MAEL: variants seen among roughly 807,000 people sequenced by gnomAD.
MAEL encodes protein maelstrom homolog.
A neutral mutation model predicts 62.0 loss-of-function variants in MAEL; 46 were observed. That is an observed-to-expected ratio of 0.74 (90% CI 0.59 to 0.95). The LOEUF (loss-of-function observed/expected upper bound fraction) is 0.95, where lower values mean the gene tolerates loss of function less well. Among genes scored for constraint, MAEL ranks in the 40% least tolerant of loss-of-function variants. The pLI is 0.00. For missense variants in MAEL, 497 were observed against 526.8 expected (o/e 0.94, Z 0.55); for synonymous variants, 172 against 175.5 (o/e 0.98, Z 0.16).
intron 1 of MAEL, among the ~76,000 whole-genome samples, chr1:166,980,308 G>A: frequency 6.6e-6 from 1 of 152,026 alleles, no homozygotes; most frequent in East Asian, 1.9e-4. Context: ...TTACAAGTTT[G>A]AGCCACTGTG....
chr1:167,013,260 C>T (rs1401952049), intron 8 of MAEL, among the ~76,000 whole-genome samples: 1 of 152,204 alleles, frequency 6.6e-6, no homozygotes, highest in Non-Finnish European at 1.5e-5. Flanking sequence ...AGTCTTCTGC[C>T]TTGATGGACC....
intron 10 of MAEL, among the ~76,000 whole-genome samples, chr1:167,020,670 C>T (rs992337438): frequency 6.6e-6 from 1 of 152,046 alleles, no homozygotes; most frequent in Non-Finnish European, 1.5e-5. Context: ...GTGCATCTAC[C>T]ATATTCTCTG....
At chr1:166,989,264 G>A, upstream of MAEL, 1 of 1,495,222 alleles carries the variant, frequency 6.7e-7, no homozygotes, top group Non-Finnish European at 9.0e-7. Flanking sequence ...TGCGTGCGCA[G>A]GCGCCTACCT....
At chr1:167,009,440 T>C (rs964824809) in intron 8 of MAEL, among the ~76,000 whole-genome samples, 2 of 152,162 alleles carry the variant, frequency 1.3e-5, no homozygotes, top group African/African-American at 4.8e-5. Flanking sequence ...CTGGAGTTAG[T>C]TGATCATTTT....
Position 167,016,202 on chromosome 1 carries a change from A to G in MAEL, c.846-20A>G. The G allele has an allele frequency of 6.2e-7, 1 of 1,610,682 alleles. No homozygotes were observed. The highest frequency in any genetic ancestry group is 8.5e-7 in the Non-Finnish European group (1 of 1,177,068). On this transcript the variant is annotated intron_variant, in intron 8 of 11. Coordinates refer to ENST00000367872, the MANE Select transcript of MAEL (RefSeq NM_032858.3). ...CAGTGCTACTTCAGTTAGGATATTA[A>G]AGTCCATTTTTTTGTACAGGTGCAA...
rs201592441 is a variant in MAEL at position 166,989,345 on chromosome 1, G to A, written c.-8G>A. On this transcript the variant is annotated 5_prime_UTR_variant, in exon 1 of 12. Transcript: ENST00000367872. ...CTGTCTGAGGCCAGGAAGTTTGACC[G>A]CGCTGCCATGCCGAACCGTAAGGCC... The A allele has an allele frequency of 3.7e-6, 6 of 1,607,338 alleles. No homozygotes were observed. The South Asian group carries it at 4.5e-5, about 12-fold the overall frequency.
intron 3 of MAEL, among the ~76,000 whole-genome samples, chr1:166,992,407 T>C (rs1664217671): frequency 6.6e-6 from 1 of 152,196 alleles, no homozygotes; most frequent in Non-Finnish European, 1.5e-5. Context: ...TCAGGGCTTA[T>C]CTATGGCCGA....
chr1:166,992,314 T>C (rs956805935), intron 3 of MAEL, among the ~76,000 whole-genome samples: 8 of 152,206 alleles, frequency 5.3e-5, no homozygotes, highest in African/African-American at 1.7e-4. Context: ...TTACAATCTT[T>C]CTACATTGAT....
At chr1:166,992,129 G>A (rs1460827935) in intron 3 of MAEL, among the ~76,000 whole-genome samples, 1 of 152,102 alleles carries the variant, frequency 6.6e-6, no homozygotes, top group Admixed American at 6.5e-5. Flanking sequence ...TTTTTATTGT[G>A]TTCTGCCTTT....
chr1:166,997,432 T>C (rs989522803), intron 5 of MAEL, among the ~76,000 whole-genome samples: 1 of 152,254 alleles, frequency 6.6e-6, no homozygotes, highest in Admixed American at 6.5e-5. Flanking sequence ...TCTTATCTGC[T>C]GATGGATTTT....
intron 3 of MAEL, among the ~76,000 whole-genome samples, chr1:166,991,831 C>T (rs537052915): frequency 6.6e-6 from 1 of 152,076 alleles, no homozygotes; most frequent in African/African-American, 2.4e-5. Context: ...GTGATGACTA[C>T]GTTAATGTAT....
chr1:166,985,902 A>G (rs1320246727), upstream of MAEL, among the ~76,000 whole-genome samples: 1 of 152,256 alleles, frequency 6.6e-6, no homozygotes, highest in African/African-American at 2.4e-5. Flanking sequence ...TCATAATTAT[A>G]TTACATGTTG....
intron 11 of MAEL, 132 bp from the exon 12 acceptor site, chr1:167,021,536 C>T: frequency 1.5e-6 from 1 of 647,990 alleles, no homozygotes; most frequent in Non-Finnish European, 2.5e-6. Context: ...GGGCTAAAAA[C>T]AAAAACATTT....
intron 2 of MAEL, among the ~76,000 whole-genome samples, chr1:166,991,068 T>C (rs1338784415): frequency 1.3e-5 from 2 of 152,208 alleles, no homozygotes; most frequent in Non-Finnish European, 2.9e-5. Flanking sequence ...TGGGGCATAG[T>C]GTGCTTTTGG....
chr1:167,019,480 TC>T (rs1438936717), intron 10 of MAEL, among the ~76,000 whole-genome samples: 1 of 152,088 alleles, frequency 6.6e-6, no homozygotes, highest in African/African-American at 2.4e-5. Flanking sequence ...TGAGAAACCT[TC>T]CTGTGGGTTT....
Position 166,978,196 on chromosome 1 carries a change from T to C in MAEL, c.-121+2530T>C, listed in dbSNP as rs754522736. On this transcript the variant is annotated intron_variant, in intron 1 of 12. Transcript: ENST00000622874. ...CCTTGTCCATCATCCCAGAAATGTG[T>C]TTTCCATGTAGTGCCCTGCATGTCT... Among the ~76,000 whole-genome samples, 83 of 152,100 alleles carry C rather than the reference T, an allele frequency of 5.5e-4. 1 individual carries two copies. Among genetic ancestry groups the C allele is most frequent in the Non-Finnish European group, 2.5e-4 (17 of 68,022 alleles).
chr1:166,983,879 G>A (rs1404509941), intron 1 of MAEL, among the ~76,000 whole-genome samples: 3 of 151,778 alleles, frequency 2.0e-5, no homozygotes, highest in Non-Finnish European at 2.9e-5. Context: ...GCGCACACCT[G>A]TAGTCCCAGC....
intron 11 of MAEL, 57 bp from the exon 12 acceptor site, chr1:167,021,611 T>TAAAA (rs1665632369): frequency 1.6e-6 from 2 of 1,233,718 alleles, no homozygotes; most frequent in Non-Finnish European, 2.3e-6. Flanking sequence ...GAGGCATCTC[T>TAAAA]TTGTAATAAA....
chr1:167,019,914 C>G (rs1346514680), intron 10 of MAEL, among the ~76,000 whole-genome samples: 1 of 152,150 alleles, frequency 6.6e-6, no homozygotes, highest in East Asian at 1.9e-4. Flanking sequence ...GTCCTTCCAG[C>G]TGCCTAACCT....
Sources: gnomAD v4.1 joint callset for allele counts (sites outside exome capture counted in the v4.1 genomes callset) on GRCh38, gnomAD v4.1.1 for gene constraint, MANE v1.5 for transcripts, NCBI Gene and HGNC (gene_info 2026-07-23, HGNC 2026-07-21) for gene names.